The following USP25 variants were observed in gnomAD, a reference collection of about 807,000 sequenced individuals.
USP25 encodes the protein ubiquitin specific peptidase 25, also known as ubiquitin carboxyl-terminal hydrolase 25.
USP25 carries 85 observed loss-of-function variants against 158.5 expected under a neutral mutation model. The ratio of observed to expected loss-of-function variants is 0.54; its 90% CI spans 0.45 to 0.64. USP25 has a LOEUF of 0.64. Among genes scored for constraint, USP25 ranks in the 30% least tolerant of loss-of-function variants. The pLI, the probability that USP25 is intolerant of heterozygous loss-of-function variation, is 0.00. For missense variants in USP25, 1,242 were observed against 1,327.3 expected (o/e 0.94, Z 1.00); for synonymous variants, 464 against 460.4 (o/e 1.01, Z -0.10).
chr21:15,793,326 T>A (rs538691592), intron 5 of USP25, among the ~76,000 whole-genome samples: 1 of 151,418 alleles, frequency 6.6e-6, no homozygotes, highest in Non-Finnish European at 1.5e-5. Context: ...GATATAGGGA[T>A]AATGACCTTT....
intron 1 of USP25, among the ~76,000 whole-genome samples, chr21:15,760,033 G>A (rs1021991677): frequency 6.6e-6 from 1 of 152,208 alleles, no homozygotes; most frequent in Non-Finnish European, 1.5e-5. Context: ...TTATGGAAGT[G>A]AAATTCTTTG....
chr21:15,740,498 A>G (rs11911083), intron 1 of USP25, among the ~76,000 whole-genome samples: 3,819 of 152,160 alleles, frequency 0.025, 147 homozygotes, highest in African/African-American at 0.085. Context: ...CAACATCTCT[A>G]TGGAAACCCA....
At chr21:15,802,766 C>T (rs530749534) in intron 6 of USP25, among the ~76,000 whole-genome samples, 4 of 151,460 alleles carry the variant, frequency 2.6e-5, no homozygotes, top group South Asian at 2.1e-4. Context: ...ATAAAGGGCA[C>T]GTTAATCTCA....
intron 1 of USP25, among the ~76,000 whole-genome samples, chr21:15,735,982 A>ATG (rs901227357): frequency 0.015 from 1,842 of 119,838 alleles, 27 homozygotes; most frequent in African/African-American, 0.044. Context: ...GTGTGTGTGT[A>ATG]TGTGTGTGTG....
intron 23 of USP25, among the ~76,000 whole-genome samples, chr21:15,872,014 G>GTT (rs1158862222): frequency 0.011 from 775 of 71,610 alleles, 28 homozygotes; most frequent in African/African-American, 0.036. Context: ...AAGAAATACT[G>GTT]TTTTTTTTTT....
Position 15,826,495 on chromosome 21 carries a change from C to CT in USP25, c.1466+130_1466+131insT. On this transcript the variant is annotated intron_variant, in intron 13 of 25. Transcript: ENST00000400183. This position sits in a 1 kb window ranked among gnomAD's most constrained non-coding sequence, Gnocchi z 4.8. ...TTCAGTGAACTCCTAAGAGTAGATT[C>CT]ACTTAGAAGACTGTATGTCCTCTGG... 1 of 1,051,996 alleles carries CT rather than the reference C, an allele frequency of 9.5e-7. No individual in the cohort carries two copies. The highest frequency in any genetic ancestry group is 1.4e-6 in the Non-Finnish European group (1 of 732,088). The allele number at this position is 1,051,996 out of a possible 1,614,324, so 65.2% of individuals were successfully genotyped here. A position where few individuals can be genotyped will look rare whatever the true frequency, so the allele number is the denominator to read the frequency against.
chr21:15,780,248 T>C (rs1388982754), intron 4 of USP25, among the ~76,000 whole-genome samples: 1 of 152,226 alleles, frequency 6.6e-6, no homozygotes, highest in African/African-American at 2.4e-5. Context: ...TGTAATTTGA[T>C]GAGATAAAGC....
intron 9 of USP25, among the ~76,000 whole-genome samples, chr21:15,818,354 G>T (rs2037055814): frequency 6.6e-6 from 1 of 152,106 alleles, no homozygotes; most frequent in Non-Finnish European, 1.5e-5. Context: ...ATGAGGCTGA[G>T]AATTTTCTCA....
At chr21:15,768,890 C>T in intron 3 of USP25, among the ~76,000 whole-genome samples, 1 of 152,036 alleles carries the variant, frequency 6.6e-6, no homozygotes, top group East Asian at 1.9e-4. Flanking sequence ...CAAAGTCATG[C>T]TAACTTTAAG....
chr21:15,852,286 C>G (rs9653733), intron 20 of USP25, among the ~76,000 whole-genome samples: 6 of 151,602 alleles, frequency 4.0e-5, no homozygotes, highest in Admixed American at 3.3e-4. Flanking sequence ...AAAACACTTA[C>G]AAGAATAGTG....
At chr21:15,800,014 A>G (rs1436881580) in intron 6 of USP25, among the ~76,000 whole-genome samples, 171 bp downstream of exon 6, 2 of 151,262 alleles carry the variant, frequency 1.3e-5, no homozygotes, top group African/African-American at 4.8e-5. Flanking sequence ...AATATATTAT[A>G]AATACGACTT....
At chr21:15,847,885 A>G in intron 19 of USP25, 109 bp downstream of exon 19, 1 of 580,284 alleles carries the variant, frequency 1.7e-6, no homozygotes, top group Non-Finnish European at 3.0e-6. Flanking sequence ...CACATAACAT[A>G]CAGCTTTGCC....
intron 17 of USP25, among the ~76,000 whole-genome samples, 184 bp downstream of exon 17, chr21:15,833,732 A>G (rs1206837692): frequency 6.6e-6 from 1 of 152,194 alleles, no homozygotes; most frequent in African/African-American, 2.4e-5. Flanking sequence ...ACACCACTGT[A>G]TATATTTATA....
intron 1 of USP25, among the ~76,000 whole-genome samples, chr21:15,746,101 G>A (rs1600792154): frequency 6.6e-6 from 1 of 152,166 alleles, no homozygotes; most frequent in Non-Finnish European, 1.5e-5. Flanking sequence ...TTTGAAATGT[G>A]CCTTGAAGTG....
At position 15,866,295 on chromosome 21, in the gene USP25, C is replaced by T. The variant is rs2039656905; in HGVS notation, c.2756C>T (p.Ala919Val). 6.2e-7 allele frequency: 1 copy of T among 1,602,906 alleles called. No individual in the cohort carries two copies. The highest frequency in any genetic ancestry group is 8.5e-7 in the Non-Finnish European group (1 of 1,174,842). Reference protein sequence around the residue: ...RCHNIMKVAQAKLEMIKPEEV... With the variant: ...RCHNIMKVAQVKLEMIKPEEV... The stretch of plus-strand genomic sequence containing the variant: ...CACAACATAATGAAAGTTGCTCAAG[C>T]CAAACTGGAAATGATAAAACCTGAA... The change falls in exon 22 of 26, where the codon GCC becomes GTC. Residue 919 changes from alanine to valine, a missense_variant. By Grantham distance (64) the Ala-to-Val change is moderately conservative (BLOSUM62 0). Transcript: ENST00000400183.
intron 18 of USP25, among the ~76,000 whole-genome samples, chr21:15,846,692 A>G (rs1217795765): frequency 2.6e-5 from 4 of 152,184 alleles, no homozygotes; most frequent in African/African-American, 9.7e-5. Flanking sequence ...ATGAAAACTT[A>G]TGCAATTCAG....
chr21:15,866,474 C>T (rs2039665747), intron 22 of USP25, 130 bp downstream of exon 22: 1 of 508,732 alleles, frequency 2.0e-6, no homozygotes, highest in Non-Finnish European at 3.2e-6. Flanking sequence ...GTTTCCAAGT[C>T]AATGCTCAAG....
At chr21:15,801,474 A>T (rs2036130677) in intron 6 of USP25, among the ~76,000 whole-genome samples, 1 of 151,496 alleles carries the variant, frequency 6.6e-6, no homozygotes, top group South Asian at 2.1e-4. Flanking sequence ...AATACTGTGC[A>T]ATTTTATATG....
At chr21:15,798,673 C>A (rs1000886026) in intron 5 of USP25, among the ~76,000 whole-genome samples, 15 of 151,156 alleles carry the variant, frequency 9.9e-5, no homozygotes, top group African/African-American at 3.6e-4. Flanking sequence ...ATTTTATGTG[C>A]TTATATTGTT....
Sources: allele counts gnomAD v4.1 joint callset (sites outside exome capture counted in the v4.1 genomes callset), GRCh38; gene constraint gnomAD v4.1.1; non-coding constraint Gnocchi (gnomAD v3.1); transcripts MANE v1.5; gene names NCBI Gene and HGNC (gene_info 2026-07-23, HGNC 2026-07-21).